EGFL6: variants seen among roughly 807,000 people sequenced by gnomAD.
EGFL6 encodes the protein epidermal growth factor-like protein 6.
Under a neutral mutation model 43.1 loss-of-function variants are expected in EGFL6, and 42 were observed. That is an observed-to-expected ratio of 0.98 (90% CI 0.76 to 1.26). The LOEUF is 1.26. EGFL6 is among the 50% of genes most tolerant of loss of function. EGFL6 has a pLI of 0.00. For missense variants in EGFL6, 429 were observed against 427.8 expected, an observed-to-expected ratio of 1.00 and a Z score of -0.02; for synonymous variants, 164 against 163.2, an observed-to-expected ratio of 1.01 and a Z score of -0.04.
chrX:13,590,620 CCTT>C (rs775817358), intron 2 of EGFL6, among the ~76,000 whole-genome samples: 1 of 112,256 alleles, frequency 8.9e-6, no homozygotes, highest in East Asian at 2.8e-4. Context: ...GCCCCAACCT[CCTT>C]CTCTCTGGCT....
chrX:13,593,795 G>A (rs1276609394), intron 2 of EGFL6, among the ~76,000 whole-genome samples: 1 of 111,875 alleles, frequency 8.9e-6, no homozygotes, highest in African/African-American at 3.3e-5. Flanking sequence ...TTGAGTCCAG[G>A]TAACTGGTAG....
chrX:13,570,365 T>C (rs912999856), intron 1 of EGFL6, among the ~76,000 whole-genome samples: 2 of 111,165 alleles, frequency 1.8e-5, no homozygotes, highest in Non-Finnish European at 3.8e-5. Context: ...CAAGTGCTTG[T>C]CAGTCGCTAG....
chrX:13,570,654 G>C (rs2045436618), intron 1 of EGFL6, among the ~76,000 whole-genome samples: 1 of 111,812 alleles, frequency 8.9e-6, no homozygotes. Flanking sequence ...GGTGACTGTC[G>C]ACCTGGCACT....
intron 7 of EGFL6, among the ~76,000 whole-genome samples, chrX:13,614,685 A>T (rs1406703603): frequency 9.0e-6 from 1 of 110,564 alleles, no homozygotes; most frequent in Non-Finnish European, 1.9e-5. Flanking sequence ...GAACCTGAAG[A>T]CCTAAGTTTT....
chrX:13,574,354 C>G (rs1383052263), intron 1 of EGFL6, among the ~76,000 whole-genome samples: 1 of 111,670 alleles, frequency 9.0e-6, no homozygotes, highest in Non-Finnish European at 1.9e-5. Flanking sequence ...TGCCACTGAG[C>G]CAGTAAAACA....
chrX:13,615,479 C>T (rs147102811), intron 7 of EGFL6, among the ~76,000 whole-genome samples: 2,644 of 111,545 alleles, frequency 0.024, 73 homozygotes, highest in African/African-American at 0.08. Flanking sequence ...AAGATGCAGT[C>T]GACCATGGAT....
intron 1 of EGFL6, among the ~76,000 whole-genome samples, chrX:13,570,461 T>TG (rs944253281): frequency 8.9e-6 from 1 of 111,897 alleles, no homozygotes; most frequent in African/African-American, 3.2e-5. Flanking sequence ...CTCTCCTCAC[T>TG]GCTCTCTGAT....
intron 4 of EGFL6, among the ~76,000 whole-genome samples, chrX:13,602,344 T>C (rs144712799): frequency 1.6e-4 from 18 of 112,199 alleles, no homozygotes; most frequent in East Asian, 1.4e-3. Flanking sequence ...CCACACATAC[T>C]GGACTGCTGC....
chrX:13,623,782 A>T, intron 9 of EGFL6, 42 bp from the exon 10 acceptor site: 3 of 1,094,252 alleles, frequency 2.7e-6, no homozygotes, highest in Non-Finnish European at 3.8e-6. Context: ...CACCTTCCTA[A>T]TGCTTTTAGG....
At chrX:13,629,931 G>A (rs1470595805) in intron 11 of EGFL6, among the ~76,000 whole-genome samples, 4 of 112,004 alleles carry the variant, frequency 3.6e-5, no homozygotes, top group African/African-American at 1.3e-4. Flanking sequence ...CTGCACCTAC[G>A]TGGCCCTTGA....
rs746061868 is a variant in EGFL6, at chrX:13,617,992, AAG to A, written c.1045_1046del (p.Glu349ArgfsTer7). 2 of 1,211,650 alleles carry A rather than the reference AAG, an allele frequency of 1.7e-6. No individual in the cohort carries two copies. The highest frequency in any genetic ancestry group is 2.2e-6 in the Non-Finnish European group (2 of 895,488). ...KMKEGLEDEK[R>X]EEKALKNDIE... ...TGAAAGAGGGGCTTGAGGATGAGAA[AAG>A]AGAAGAGAAAGCCCTGAAGAATGAC... is the stretch of plus-strand genomic sequence containing the variant. On this transcript the variant is annotated frameshift_variant, in exon 8 of 12. Transcript: ENST00000361306. LOFTEE classifies it high-confidence loss of function.
At chrX:13,595,919 T>C (rs1355443786) in intron 3 of EGFL6, among the ~76,000 whole-genome samples, 2 of 110,438 alleles carry the variant, frequency 1.8e-5, no homozygotes, top group Non-Finnish European at 3.8e-5. Flanking sequence ...GAGGTCCCAC[T>C]ACGTTGCCCA....
chrX:13,618,167 T>A, intron 8 of EGFL6, 114 bp downstream of exon 8: 1 of 731,481 alleles, frequency 1.4e-6, no homozygotes, highest in Non-Finnish European at 2.0e-6. Context: ...GGTTGGGTCT[T>A]AAGTCCTGAG....
intron 11 of EGFL6, among the ~76,000 whole-genome samples, chrX:13,629,136 T>C (rs1376636052): frequency 8.9e-6 from 1 of 112,700 alleles, no homozygotes; most frequent in Non-Finnish European, 1.9e-5. Flanking sequence ...AGCCAGTGCT[T>C]GTTTAGGAAT....
chrX:13,614,558 A>T (rs1046197036), intron 7 of EGFL6, among the ~76,000 whole-genome samples: 1 of 111,984 alleles, frequency 8.9e-6, no homozygotes, highest in Admixed American at 9.5e-5. Context: ...TATTCCAAAG[A>T]TATGAAATTA....
At chrX:13,576,994 A>C (rs2045475080) in intron 1 of EGFL6, among the ~76,000 whole-genome samples, 2 of 111,208 alleles carry the variant, frequency 1.8e-5, no homozygotes, top group African/African-American at 6.6e-5. Context: ...TTATGAAAAA[A>C]AAATATAAAA....
intron 1 of EGFL6, among the ~76,000 whole-genome samples, chrX:13,580,734 CA>C (rs1384583525): frequency 8.9e-6 from 1 of 112,160 alleles, no homozygotes; most frequent in Admixed American, 9.5e-5. Context: ...TTCCTCTTAA[CA>C]GTTAAATTAG....
At chrX:13,630,850 G>C (rs1311779954) in intron 11 of EGFL6, among the ~76,000 whole-genome samples, 1 of 112,130 alleles carries the variant, frequency 8.9e-6, no homozygotes, top group Non-Finnish European at 1.9e-5. Context: ...ATGGTGCTGG[G>C]GATAGTGAAT....
Position 13,630,323 on chromosome X carries a change from A to C in EGFL6, c.1552-2662A>C, listed in dbSNP as rs1243413758. On this transcript the variant is annotated intron_variant, in intron 11 of 11. Transcript: ENST00000361306. ...AGAGGAGGTAAAAATATAGTGAAAA[A>C]CACAAAATTAGTATGTCAATTAATT... 2.7e-5 allele frequency among the ~76,000 whole-genome samples: 3 copies of C among 111,761 alleles called. No individual in the cohort carries two copies. In the Admixed American group the frequency reaches 2.9e-4, roughly 11 times the overall value.
Sources: allele counts gnomAD v4.1 joint callset (sites outside exome capture counted in the v4.1 genomes callset), GRCh38; gene constraint gnomAD v4.1.1; transcripts MANE v1.5; gene names NCBI Gene and HGNC (gene_info 2026-07-23, HGNC 2026-07-21).